SLCO6A1: variants seen among roughly 807,000 people sequenced by gnomAD.
SLCO6A1 encodes the protein solute carrier organic anion transporter family member 6A1, also known as cancer/testis antigen 48.
Under a neutral mutation model 72.7 loss-of-function variants are expected in SLCO6A1, and 65 were observed. That is an observed-to-expected ratio of 0.89 (90% CI 0.73 to 1.10). The LOEUF (loss-of-function observed/expected upper bound fraction) is 1.10, where lower values mean the gene tolerates loss of function less well. Among genes scored for constraint, SLCO6A1 ranks in the 50% least tolerant of loss-of-function variants. The pLI is 0.00. For synonymous variants in SLCO6A1, 314 were observed against 298.2 expected (o/e 1.05, Z -0.55); for missense variants, 874 against 872.6 (o/e 1.00, Z -0.02).
At chr5:102,452,427 T>C (rs560919009) in intron 6 of SLCO6A1, among the ~76,000 whole-genome samples, 1 of 152,302 alleles carries the variant, frequency 6.6e-6, no homozygotes, top group African/African-American at 2.4e-5. Flanking sequence ...GTAGCTTTTT[T>C]CTTATCCTCT....
chr5:102,382,092 T>C (rs1372678928), intron 12 of SLCO6A1, among the ~76,000 whole-genome samples: 1 of 151,418 alleles, frequency 6.6e-6, no homozygotes, highest in East Asian at 1.9e-4. Context: ...AATCCTATTG[T>C]CTATTTTTGC....
rs114791258 is a variant in SLCO6A1 at position 102,477,493 on chromosome 5, A to G, written c.802+183T>C. 2.2e-3 allele frequency among the ~76,000 whole-genome samples: 329 copies of G among 152,238 alleles called. 4 individuals carry two copies. Among genetic ancestry groups the G allele is most frequent in the African/African-American group, 7.7e-3 (318 of 41,538 alleles). On this transcript the variant is annotated intron_variant, in intron 3 of 13. Transcript: ENST00000506729. ...TTCAGGTGACTTGTCTAGAATCTCA[A>G]ATCTCAAACAGCTACTTAGAATTAG...
intron 12 of SLCO6A1, among the ~76,000 whole-genome samples, chr5:102,374,279 T>A (rs950363395): frequency 1.3e-5 from 2 of 152,158 alleles, no homozygotes; most frequent in African/African-American, 4.8e-5. Context: ...GTACTGGGAT[T>A]ACAGACAGGA....
At position 102,476,726 on chromosome 5, in the gene SLCO6A1, T is replaced by A. The variant is rs201194254; in HGVS notation, c.803-933A>T. Among the ~76,000 whole-genome samples the A allele has an allele frequency of 3.9e-5, 6 of 152,120 alleles. No individual in the cohort carries two copies. In the East Asian group the frequency reaches 1.2e-3, roughly 29 times the overall value. ...AAATATATTTAATATAACTAGAAAT[T>A]AAAAATATCTTATTTTATTTAATTT... On this transcript the variant is annotated intron_variant, in intron 3 of 13. Transcript: ENST00000506729.
At chr5:102,379,007 A>G (rs1323532552) in intron 12 of SLCO6A1, among the ~76,000 whole-genome samples, 3 of 151,934 alleles carry the variant, frequency 2.0e-5, no homozygotes, top group Non-Finnish European at 2.9e-5. Flanking sequence ...TCTCGAACAC[A>G]TGACCTCAGG....
At chr5:102,441,769 T>G (rs2112690678) in intron 6 of SLCO6A1, among the ~76,000 whole-genome samples, 1 of 152,060 alleles carries the variant, frequency 6.6e-6, no homozygotes, top group East Asian at 1.9e-4. Flanking sequence ...GCATCTCTGT[T>G]AAATAAATTT....
intron 4 of SLCO6A1, 70 bp downstream of exon 4, chr5:102,475,627 G>A: frequency 3.2e-6 from 3 of 939,954 alleles, no homozygotes; most frequent in Non-Finnish European, 4.8e-6. Flanking sequence ...ATATTTACTT[G>A]TAAGCTATGG....
intron 6 of SLCO6A1, among the ~76,000 whole-genome samples, chr5:102,440,334 C>T (rs991624612): frequency 3.3e-5 from 5 of 152,028 alleles, no homozygotes; most frequent in African/African-American, 1.2e-4. Context: ...AGATCAGCAG[C>T]GGCATTAAAT....
intron 7 of SLCO6A1, among the ~76,000 whole-genome samples, chr5:102,434,421 T>C (rs1033297899): frequency 1.3e-5 from 2 of 152,174 alleles, no homozygotes; most frequent in Admixed American, 6.5e-5. Context: ...TGTACAGATA[T>C]CACCTGGCCT....
intron 12 of SLCO6A1, among the ~76,000 whole-genome samples, chr5:102,379,157 G>A (rs886346564): frequency 3.3e-5 from 5 of 151,922 alleles, no homozygotes; most frequent in Admixed American, 6.6e-5. Context: ...TTTTTGTAAG[G>A]TTATCCTTTA....
Position 102,395,138 on chromosome 5 carries a change from C to A in SLCO6A1, c.1815-4093G>T, listed in dbSNP as rs533361288. ...ATGTGTCATGTTGGTGTGATGCACC[C>A]ATTAACTCGTCATTTAGCATTAGGT... On this transcript the variant is annotated intron_variant, in intron 10 of 13. Coordinates refer to ENST00000506729, the MANE Select transcript of SLCO6A1 (RefSeq NM_173488.5). 4.0e-4 allele frequency among the ~76,000 whole-genome samples: 61 copies of A among 152,162 alleles called. No homozygotes were observed. In the Middle Eastern group the frequency reaches 0.01, roughly 25 times the overall value.
chr5:102,494,629 G>T (rs1056175066), intron 1 of SLCO6A1, among the ~76,000 whole-genome samples: 1 of 152,076 alleles, frequency 6.6e-6, no homozygotes, highest in Non-Finnish European at 1.5e-5. Context: ...CATACAAATG[G>T]ATAAAAAGCA....
chr5:102,424,597 A>C (rs535090864), intron 7 of SLCO6A1, among the ~76,000 whole-genome samples: 1 of 152,308 alleles, frequency 6.6e-6, no homozygotes, highest in South Asian at 2.1e-4. Context: ...TGAGTAGGCC[A>C]GTAACAAGTT....
intron 7 of SLCO6A1, among the ~76,000 whole-genome samples, chr5:102,435,108 T>C (rs1749456303): frequency 6.6e-6 from 1 of 152,210 alleles, no homozygotes. Flanking sequence ...ACCTCAGAGT[T>C]TTTTGTAGTG....
chr5:102,496,438 C>G (rs187600225), intron 1 of SLCO6A1, among the ~76,000 whole-genome samples: 1 of 152,264 alleles, frequency 6.6e-6, no homozygotes. Flanking sequence ...ACTGAGCTAA[C>G]TACCTGTATG....
intron 9 of SLCO6A1, among the ~76,000 whole-genome samples, chr5:102,403,677 T>A (rs1747519368): frequency 6.6e-6 from 1 of 152,162 alleles, no homozygotes; most frequent in Non-Finnish European, 1.5e-5. Context: ...ACAGTACAGC[T>A]TAAACTATTT....
chr5:102,496,170 T>G (rs1215099297), intron 1 of SLCO6A1, among the ~76,000 whole-genome samples: 1 of 152,142 alleles, frequency 6.6e-6, no homozygotes, highest in Non-Finnish European at 1.5e-5. Flanking sequence ...GCAGTAGTGG[T>G]GCACCATGTC....
chr5:102,413,251 CTTTT>C (rs1283497302), intron 8 of SLCO6A1, 108 bp from the exon 9 acceptor site: 2 of 1,110,940 alleles, frequency 1.8e-6, no homozygotes, highest in African/African-American at 3.3e-5. Context: ...GAAATAATTT[CTTTT>C]TTTAACAGCT....
chr5:102,437,338 C>T (rs1749595043), intron 7 of SLCO6A1, among the ~76,000 whole-genome samples: 1 of 152,094 alleles, frequency 6.6e-6, no homozygotes, highest in Non-Finnish European at 1.5e-5. Context: ...GTGGAAAGGT[C>T]AGTAGAGAAA....
Sources: allele counts gnomAD v4.1 joint callset (sites outside exome capture counted in the v4.1 genomes callset), GRCh38; gene constraint gnomAD v4.1.1; transcripts MANE v1.5; gene names NCBI Gene and HGNC (gene_info 2026-07-23, HGNC 2026-07-21).